Variants in MORC2 observed in about 807,000 individuals in gnomAD.
MORC2 encodes the protein MORC family CW-type zinc finger 2, also known as ATPase MORC2.
A neutral mutation model predicts 136.0 loss-of-function variants in MORC2; 30 were observed. The ratio of observed to expected loss-of-function variants is 0.22; its 90% CI spans 0.17 to 0.30. MORC2 has a LOEUF of 0.30. Ranked by LOEUF, MORC2 falls within the 10% of genes least tolerant of loss-of-function variation. The pLI is 1.00. For synonymous variants in MORC2, 439 were observed against 487.0 expected, an observed-to-expected ratio of 0.90 and a Z score of 1.30; for missense variants, 922 against 1,333.1, an observed-to-expected ratio of 0.69 and a Z score of 4.80.
rs529409836 is a variant in MORC2, at chr22:30,951,809, AT to A, written c.158-1365del. Among the ~76,000 whole-genome samples the A allele has an allele frequency of 3.3e-3, 474 of 144,044 alleles. 1 individual carries two copies. Among genetic ancestry groups the A allele is most frequent in the South Asian group, 9.0e-3 (41 of 4,540 alleles). The allele number at this position is 144,044 out of a possible 152,430, so 94.5% of individuals were successfully genotyped here. A position where few individuals can be genotyped will look rare whatever the true frequency, so the allele number is the denominator to read the frequency against. ...ACTTATTAATGTAAATTAAAATGCTATTTTTTTTTTTTTTGAAATGGAGTCT... is the reference window on the plus strand; with the variant it reads ...ACTTATTAATGTAAATTAAAATGCTATTTTTTTTTTTTTGAAATGGAGTCT... On this transcript the variant is annotated intron_variant, in intron 3 of 25. Coordinates refer to ENST00000397641, the MANE Select transcript of MORC2 (RefSeq NM_001303256.3).
At position 30,941,522 on chromosome 22, in the gene MORC2, A is replaced by G. The variant is rs2040741249; in HGVS notation, c.735T>C (p.Ala245=). ...TCATCCGGGGATCAATATAGAGCAC[A>G]GCGGCATAGGCACGGAACGAGCGCC... ...PERRSFRAYA[A]VLYIDPRMRI... Residue 245 remains alanine, a synonymous_variant, in exon 9 of 26, where the codon GCT becomes GCC. Transcript: ENST00000397641. This position sits in a 1 kb window ranked among gnomAD's most constrained non-coding sequence, Gnocchi z 4.6. The G allele has an allele frequency of 1.9e-6, 3 of 1,614,106 alleles. No homozygotes were observed. The highest frequency in any genetic ancestry group is 2.5e-6 in the Non-Finnish European group (3 of 1,179,972).
rs939369167 is a variant in MORC2 at position 30,932,821 on chromosome 22, G to A, written c.2523-52C>T. On this transcript the variant is annotated intron_variant, in intron 22 of 25. Transcript: ENST00000397641. The surrounding 1 kb of genome is among the most constrained non-coding windows in gnomAD (Gnocchi z 4.4). ...TGTCTGACCCGGGCTCCCAGGATGG[G>A]CTGCTGGCAGGGAGGCCGGGGATAC... 1 of 1,612,998 alleles carries A rather than the reference G, an allele frequency of 6.2e-7. No individual in the cohort carries two copies. Among genetic ancestry groups the A allele is most frequent in the African/African-American group, 1.3e-5 (1 of 74,912 alleles).
chr22:30,949,957 C>G (rs530042446), intron 4 of MORC2, 115 bp from the exon 5 acceptor site: 6 of 915,622 alleles, frequency 6.6e-6, no homozygotes, highest in Non-Finnish European at 1.0e-5. Context: ...TGCTGAAAAC[C>G]TCTCTCCAAG....
intron 5 of MORC2, among the ~76,000 whole-genome samples, chr22:30,947,569 A>C (rs1465051758): frequency 6.6e-6 from 1 of 152,088 alleles, no homozygotes; most frequent in East Asian, 1.9e-4. Context: ...GTCATGCCCC[A>C]TTTCCCCAAA....
In MORC2 at chr22:30,932,411, G is replaced by T. The variant is rs1341365393; in HGVS notation, c.2789C>A (p.Ser930Tyr). 1 of 1,614,032 alleles carries T rather than the reference G, an allele frequency of 6.2e-7. No homozygotes were observed. Among genetic ancestry groups the T allele is most frequent in the Non-Finnish European group, 8.5e-7 (1 of 1,180,024 alleles). The change falls in exon 24 of 26, where the codon TCC (serine) becomes TAC (tyrosine). Residue 930 changes from serine (S) to tyrosine (Y), a missense_variant. Physicochemically the swap from Ser to Tyr is moderately radical, Grantham distance 144. Coordinates refer to ENST00000397641, the MANE Select transcript of MORC2 (RefSeq NM_001303256.3). This position sits in a 1 kb window ranked among gnomAD's most constrained non-coding sequence, Gnocchi z 4.4. ...RYFLPPSFPI[S>Y]KKQLSAMNSD... ...ATTCATAGCACTCAGCTGCTTCTTG[G>T]AGATGGGGAAACTTGGAGGCAGGAA...
At chr22:30,949,888 C>T in intron 4 of MORC2, 46 bp from the exon 5 acceptor site, 4 of 1,568,584 alleles carry the variant, frequency 2.6e-6, no homozygotes, top group Non-Finnish European at 3.5e-6. Flanking sequence ...GCATTTCTTT[C>T]CCAGGGTCCT....
At chr22:30,946,785 G>A (rs2040823178) in intron 5 of MORC2, among the ~76,000 whole-genome samples, 1 of 152,174 alleles carries the variant, frequency 6.6e-6, no homozygotes, top group Non-Finnish European at 1.5e-5. Context: ...CAACGCTGAA[G>A]AGTAACCCTG....
chr22:30,939,461 A>G (rs1187779968), intron 12 of MORC2, among the ~76,000 whole-genome samples, 160 bp downstream of exon 12: 15 of 152,206 alleles, frequency 9.9e-5, no homozygotes, highest in Non-Finnish European at 2.2e-4. Context: ...GACTCAAAAA[A>G]GGGCTGAGAG....
chr22:30,928,550 CCTGT>C (rs1160636544), intron 24 of MORC2, among the ~76,000 whole-genome samples: 2 of 152,230 alleles, frequency 1.3e-5, no homozygotes, highest in Non-Finnish European at 2.9e-5. Flanking sequence ...TCAATCATAA[CCTGT>C]CTGACTTCAG....
intron 3 of MORC2, among the ~76,000 whole-genome samples, chr22:30,952,189 G>T (rs1846276750): frequency 6.6e-6 from 1 of 152,180 alleles, no homozygotes; most frequent in African/African-American, 2.4e-5. Context: ...AGGAAGCCAA[G>T]TGTCATAAGG....
intron 5 of MORC2, among the ~76,000 whole-genome samples, chr22:30,946,744 C>CACCA (rs1450653650): frequency 6.6e-6 from 1 of 152,124 alleles, no homozygotes; most frequent in Non-Finnish European, 1.5e-5. Flanking sequence ...CACGGCAGAC[C>CACCA]ACCAGCCCCA....
chr22:30,967,174 C>A (rs1232642877), intron 1 of MORC2: 3 of 985,174 alleles, frequency 3.0e-6, no homozygotes, highest in Non-Finnish European at 3.6e-6. Flanking sequence ...CATTCCAGAC[C>A]ATGTTGGAGT....
At chr22:30,959,281 G>A (rs1230705424) in intron 1 of MORC2, among the ~76,000 whole-genome samples, 1 of 152,144 alleles carries the variant, frequency 6.6e-6, no homozygotes, top group East Asian at 1.9e-4. Context: ...AATGTTAACA[G>A]GGGCCCTAGG....
intron 12 of MORC2, among the ~76,000 whole-genome samples, chr22:30,938,712 G>C (rs1180823516): frequency 6.6e-6 from 1 of 152,094 alleles, no homozygotes; most frequent in East Asian, 1.9e-4. Flanking sequence ...TGGGACTACA[G>C]GTGCCCGCCA....
intron 4 of MORC2, 40 bp downstream of exon 4, chr22:30,950,337 G>GCTGGCCCCCCCCC: frequency 1.3e-6 from 1 of 761,768 alleles, no homozygotes. Context: ...TGGTTACATC[G>GCTGGCCCCCCCCC]CACCCCCCCA....
intron 17 of MORC2, 109 bp from the exon 18 acceptor site, chr22:30,935,431 A>G: frequency 4.7e-6 from 5 of 1,069,398 alleles, no homozygotes; most frequent in Non-Finnish European, 7.0e-6. Context: ...AACCTGAGCC[A>G]TAGTCCTACT....
chr22:30,954,458 C>T (rs12160613), intron 3 of MORC2, among the ~76,000 whole-genome samples: 264 of 152,334 alleles, frequency 1.7e-3, no homozygotes, highest in African/African-American at 6.0e-3. Flanking sequence ...TAATCCTTAA[C>T]TGTCTTGACT....
intron 5 of MORC2, among the ~76,000 whole-genome samples, chr22:30,946,879 G>C (rs2040824479): frequency 6.6e-6 from 1 of 151,954 alleles, no homozygotes; most frequent in Admixed American, 6.6e-5. Flanking sequence ...TTAGTAGCTG[G>C]TACCCTCAAC....
intron 1 of MORC2, among the ~76,000 whole-genome samples, chr22:30,962,836 A>G (rs1191003050): frequency 6.6e-6 from 1 of 152,240 alleles, no homozygotes; most frequent in African/African-American, 2.4e-5. Flanking sequence ...TCCAGATGCT[A>G]AAATCAAGAG....
Sources: allele counts gnomAD v4.1 joint callset (sites outside exome capture counted in the v4.1 genomes callset), GRCh38; gene constraint gnomAD v4.1.1; non-coding constraint Gnocchi (gnomAD v3.1); transcripts MANE v1.5; gene names NCBI Gene and HGNC (gene_info 2026-07-23, HGNC 2026-07-21).